APLF: variants seen among roughly 807,000 people sequenced by gnomAD.
APLF encodes the protein aprataxin and PNK-like factor.
In APLF, 61 loss-of-function variants were observed where a neutral mutation model predicts 55.6. The observed-to-expected ratio is 1.10, with a 90% CI of 0.89 to 1.36. The LOEUF is 1.36. Among genes scored for constraint, APLF ranks in the 40% most tolerant of loss-of-function variants. APLF has a pLI of 0.00. For missense variants in APLF, 611 were observed against 602.5 expected, an observed-to-expected ratio of 1.01 and a Z score of -0.15; for synonymous variants, 207 against 214.8, an observed-to-expected ratio of 0.96 and a Z score of 0.32.
At chr2:68,514,644 C>G (rs1032194848) in intron 5 of APLF, among the ~76,000 whole-genome samples, 4 of 151,766 alleles carry the variant, frequency 2.6e-5, no homozygotes, top group African/African-American at 9.7e-5. Flanking sequence ...CCTTCTGTGG[C>G]TGCCTTCCCT....
intron 2 of APLF, among the ~76,000 whole-genome samples, chr2:68,492,096 G>A (rs1454946320): frequency 6.6e-6 from 1 of 152,042 alleles, no homozygotes; most frequent in African/African-American, 2.4e-5. Flanking sequence ...TTTATAAATT[G>A]GCTTTAATAA....
intron 5 of APLF, among the ~76,000 whole-genome samples, chr2:68,525,136 A>G (rs1057021613): frequency 2.0e-5 from 3 of 152,250 alleles, no homozygotes; most frequent in Admixed American, 6.5e-5. Context: ...TCTACTAAAA[A>G]TACAAAATTT....
chr2:68,546,229 G>A (rs1670699023), intron 8 of APLF, among the ~76,000 whole-genome samples: 1 of 151,940 alleles, frequency 6.6e-6, no homozygotes, highest in South Asian at 2.1e-4. Context: ...TTAAGAAACA[G>A]ATACAATCAA....
At position 68,520,012 on chromosome 2, in the gene APLF, T is replaced by A. The variant is rs565963011; in HGVS notation, c.623-6049T>A. 3.3e-5 allele frequency among the ~76,000 whole-genome samples: 5 copies of A among 151,916 alleles called. No homozygotes were observed. The South Asian group carries it at 1.0e-3, about 31-fold the overall frequency. On this transcript the variant is annotated intron_variant, in intron 5 of 9. Coordinates refer to ENST00000303795, the MANE Select transcript of APLF (RefSeq NM_173545.3). ...TTGATTTTTAAATTATGGCCATTCT[T>A]GCAAGAGTAAGGTGATAATGCACTG...
intron 7 of APLF, among the ~76,000 whole-genome samples, chr2:68,541,375 G>A (rs1277552555): frequency 6.6e-6 from 1 of 151,850 alleles, no homozygotes; most frequent in Non-Finnish European, 1.5e-5. Context: ...AGTAGATGAG[G>A]ATATTTGTTA....
chr2:68,538,126 T>C lies in APLF; in HGVS notation c.1059T>C (p.Asn353=), dbSNP rs1414553210. The C allele has an allele frequency of 6.2e-7, 1 of 1,613,900 alleles. No homozygotes were observed. Among genetic ancestry groups the C allele is most frequent in the Non-Finnish European group, 8.5e-7 (1 of 1,179,962 alleles). ...SHSESSSNPS[N]PETLHAKATD... ...CTGAGTCCAGCTCTAATCCCTCCAA[T>C]CCTGAAACTTTGCATGCAAAGGCAA... Residue 353 remains asparagine (N), a synonymous_variant, in exon 7 of 10, where the codon AAT becomes AAC. Coordinates refer to ENST00000303795, the MANE Select transcript of APLF (RefSeq NM_173545.3).
chr2:68,546,764 A>G (rs1342382712), intron 8 of APLF, among the ~76,000 whole-genome samples: 1 of 151,818 alleles, frequency 6.6e-6, no homozygotes, highest in Non-Finnish European at 1.5e-5. Flanking sequence ...CTTTAATATC[A>G]AAAAGAATAT....
rs180693394 is a variant in APLF at position 68,540,452 on chromosome 2, A to C, written c.1160+2225A>C. ...TGGTTCCAAGTCTTTGCTATTGTGA[A>C]TAGTGCTGCCATAAACATACATTAG... On this transcript the variant is annotated intron_variant, in intron 7 of 9. Coordinates refer to ENST00000303795, the MANE Select transcript of APLF (RefSeq NM_173545.3). Among the ~76,000 whole-genome samples, 24 of 152,210 alleles carry C rather than the reference A, an allele frequency of 1.6e-4. No individual in the cohort carries two copies. The East Asian group carries it at 4.2e-3, about 27-fold the overall frequency.
At chr2:68,518,870 A>G (rs1352888720) in intron 5 of APLF, among the ~76,000 whole-genome samples, 1 of 126,124 alleles carries the variant, frequency 7.9e-6, no homozygotes, top group East Asian at 2.2e-4. Context: ...TGTCATTAAT[A>G]TGTAATAAAA....
At chr2:68,576,844 A>G (rs1447470518) in intron 9 of APLF, among the ~76,000 whole-genome samples, 9 of 152,144 alleles carry the variant, frequency 5.9e-5, no homozygotes, top group South Asian at 2.1e-4. Context: ...TTTAACCTAT[A>G]CATTTGCTGT....
chr2:68,487,636 G>T (rs768323320), intron 1 of APLF, among the ~76,000 whole-genome samples: 2 of 152,144 alleles, frequency 1.3e-5, no homozygotes, highest in Non-Finnish European at 2.9e-5. Context: ...TGTATAAGGA[G>T]CAGTGATAGG....
At chr2:68,528,473 G>C in intron 6 of APLF, 1 of 1,533,992 alleles carries the variant, frequency 6.5e-7, no homozygotes, top group Non-Finnish European at 8.7e-7. Context: ...CAGCTGCAGT[G>C]GTGGCCCCGA....
At chr2:68,521,780 A>G (rs1038216375) in intron 5 of APLF, among the ~76,000 whole-genome samples, 1 of 151,952 alleles carries the variant, frequency 6.6e-6, no homozygotes, top group Admixed American at 6.6e-5. Flanking sequence ...TGAAGATTGA[A>G]CTAGTCCCCA....
chr2:68,534,342 G>T (rs1436926376), intron 6 of APLF, among the ~76,000 whole-genome samples: 1 of 152,266 alleles, frequency 6.6e-6, no homozygotes, highest in South Asian at 2.1e-4. Flanking sequence ...AGTCTTTAGC[G>T]TTAGTCAGTG....
At chr2:68,481,883 G>C (rs1469380023) in intron 1 of APLF, among the ~76,000 whole-genome samples, 1 of 151,714 alleles carries the variant, frequency 6.6e-6, no homozygotes, top group Non-Finnish European at 1.5e-5. Context: ...TCTGGTGAAG[G>C]CTTGATTTTA....
intron 5 of APLF, among the ~76,000 whole-genome samples, chr2:68,515,948 T>C (rs1446191790): frequency 1.3e-5 from 2 of 151,750 alleles, no homozygotes; most frequent in Non-Finnish European, 2.9e-5. Flanking sequence ...TGGGGATCAA[T>C]AGGCCAATAT....
intron 9 of APLF, among the ~76,000 whole-genome samples, chr2:68,570,810 C>T (rs567713295): frequency 3.3e-5 from 5 of 152,230 alleles, no homozygotes; most frequent in African/African-American, 1.2e-4. Flanking sequence ...GGTATATACC[C>T]AGTAATGGGA....
chr2:68,486,690 T>G (rs1676185312), intron 1 of APLF, among the ~76,000 whole-genome samples: 1 of 152,178 alleles, frequency 6.6e-6, no homozygotes, highest in African/African-American at 2.4e-5. Context: ...GGATGGGATA[T>G]GGGTAGTTTT....
intron 3 of APLF, among the ~76,000 whole-genome samples, chr2:68,509,610 A>C (rs1054181453): frequency 6.6e-6 from 1 of 152,120 alleles, no homozygotes; most frequent in Non-Finnish European, 1.5e-5. Context: ...ACACTTTTAC[A>C]CTGTTGGTGG....
Sources: allele counts gnomAD v4.1 joint callset (sites outside exome capture counted in the v4.1 genomes callset), GRCh38; gene constraint gnomAD v4.1.1; transcripts MANE v1.5; gene names NCBI Gene and HGNC (gene_info 2026-07-23, HGNC 2026-07-21).